Variants in VTI1A observed in about 807,000 individuals in gnomAD.
VTI1A encodes vesicle transport through interaction with t-SNAREs 1A.
Under a neutral mutation model 34.9 loss-of-function variants are expected in VTI1A, and 22 were observed. That is an observed-to-expected ratio of 0.63 (90% CI 0.45 to 0.90). The LOEUF (loss-of-function observed/expected upper bound fraction) is 0.90, where lower values mean the gene tolerates loss of function less well. Ranked by LOEUF, VTI1A falls within the 40% of genes least tolerant of loss-of-function variation. The pLI, the probability that VTI1A is intolerant of heterozygous loss-of-function variation, is 0.00. For synonymous variants in VTI1A, 87 were observed against 97.3 expected, an observed-to-expected ratio of 0.89 and a Z score of 0.62; for missense variants, 268 against 275.6, an observed-to-expected ratio of 0.97 and a Z score of 0.20.
the VTI1A span, among the ~76,000 whole-genome samples, chr10:112,835,837 A>AG: frequency 1.3e-5 from 2 of 152,000 alleles, no homozygotes; most frequent in East Asian, 3.9e-4. Context: ...ATATTGGGGT[A>AG]GGGGGGGCAG....
At chr10:112,487,575 G>A (rs1848686529) in intron 3 of VTI1A, among the ~76,000 whole-genome samples, 3 of 152,138 alleles carry the variant, frequency 2.0e-5, no homozygotes, top group Non-Finnish European at 4.4e-5. Context: ...TTTGCTTGCT[G>A]TAATCAAATT....
chr10:112,654,048 T>C (rs1847134458), intron 5 of VTI1A, among the ~76,000 whole-genome samples: 1 of 152,234 alleles, frequency 6.6e-6, no homozygotes, highest in Non-Finnish European at 1.5e-5. Flanking sequence ...TTTGTTGTAT[T>C]CTGTATTTTA....
At chr10:112,798,473 T>C (rs1852754170) in intron 7 of VTI1A, among the ~76,000 whole-genome samples, 1 of 152,182 alleles carries the variant, frequency 6.6e-6, no homozygotes, top group Admixed American at 6.5e-5. Context: ...CCCCAAAGAA[T>C]GACAGAGTGA....
At chr10:112,538,186 C>T in intron 4 of VTI1A, 60 bp from the exon 5 acceptor site, 1 of 1,469,028 alleles carries the variant, frequency 6.8e-7, no homozygotes, top group South Asian at 1.2e-5. Flanking sequence ...TTTTTTAAGG[C>T]AAAAAAAAGA....
chr10:112,764,629 T>C (rs779182465), intron 7 of VTI1A, among the ~76,000 whole-genome samples: 21 of 152,204 alleles, frequency 1.4e-4, no homozygotes, highest in Non-Finnish European at 2.9e-4. Flanking sequence ...GATATATACC[T>C]GTATAAATAT....
intron 6 of VTI1A, among the ~76,000 whole-genome samples, 175 bp downstream of exon 6, chr10:112,668,463 C>G (rs570198154): frequency 2.6e-5 from 4 of 152,224 alleles, no homozygotes; most frequent in Admixed American, 6.5e-5. Context: ...GCAGCTGACT[C>G]TATGTCCCCA....
intron 5 of VTI1A, among the ~76,000 whole-genome samples, chr10:112,594,210 C>G (rs1844524224): frequency 6.6e-6 from 1 of 152,104 alleles, no homozygotes; most frequent in Non-Finnish European, 1.5e-5. Context: ...CCCGGCCGGT[C>G]TCCATCTTTT....
intron 5 of VTI1A, among the ~76,000 whole-genome samples, chr10:112,598,865 G>A (rs1262470835): frequency 6.6e-6 from 1 of 152,118 alleles, no homozygotes; most frequent in Non-Finnish European, 1.5e-5. Flanking sequence ...ATGTGAATTG[G>A]GCTTATCCGG....
intron 3 of VTI1A, among the ~76,000 whole-genome samples, chr10:112,476,427 A>G (rs963497819): frequency 9.9e-5 from 15 of 152,156 alleles, no homozygotes; most frequent in African/African-American, 3.4e-4. Flanking sequence ...CTTGGAAAGA[A>G]AAGTAGCTAA....
intron 5 of VTI1A, among the ~76,000 whole-genome samples, chr10:112,648,707 A>T (rs1266086772): frequency 2.0e-5 from 3 of 152,124 alleles, no homozygotes; most frequent in Non-Finnish European, 4.4e-5. Flanking sequence ...TCTTTTTAAA[A>T]TTTTTATTAT....
At chr10:112,813,184 G>C (rs993868638) in intron 7 of VTI1A, among the ~76,000 whole-genome samples, 1 of 152,234 alleles carries the variant, frequency 6.6e-6, no homozygotes, top group African/African-American at 2.4e-5. Context: ...CAAGGAGGGG[G>C]TGAAGCCCAA....
chr10:112,520,643 G>GTATATA (rs1419322104), intron 3 of VTI1A, among the ~76,000 whole-genome samples: 1 of 110,074 alleles, frequency 9.1e-6, no homozygotes, highest in African/African-American at 3.1e-5. Flanking sequence ...GTGTGTGTGT[G>GTATATA]TGTGTATATA....
At chr10:112,731,368 G>GT (rs1363645603) in intron 7 of VTI1A, among the ~76,000 whole-genome samples, 2 of 152,150 alleles carry the variant, frequency 1.3e-5, no homozygotes, top group African/African-American at 4.8e-5. Flanking sequence ...GAGGTCAGGA[G>GT]TTAAGACCAG....
chr10:112,756,088 G>A (rs1358615944), intron 7 of VTI1A, among the ~76,000 whole-genome samples: 2 of 152,038 alleles, frequency 1.3e-5, no homozygotes, highest in Non-Finnish European at 2.9e-5. Context: ...GGGAGGAGAG[G>A]GAGAAAGAGC....
chr10:112,484,498 A>T (rs550745210), intron 3 of VTI1A, among the ~76,000 whole-genome samples: 12 of 152,314 alleles, frequency 7.9e-5, no homozygotes, highest in African/African-American at 2.9e-4. Context: ...CTAGGACTTC[A>T]TGATAGATTT....
intron 5 of VTI1A, among the ~76,000 whole-genome samples, chr10:112,613,415 T>G (rs1168038368): frequency 6.6e-6 from 1 of 152,210 alleles, no homozygotes; most frequent in Admixed American, 6.5e-5. Flanking sequence ...CTTTACAAAA[T>G]TATTTATACA....
chr10:112,528,436 A>G (rs1328226689), intron 4 of VTI1A, among the ~76,000 whole-genome samples: 1 of 152,084 alleles, frequency 6.6e-6, no homozygotes, highest in African/African-American at 2.4e-5. Flanking sequence ...GAGTTCAGAC[A>G]TGTGAACACG....
At chr10:112,675,926 A>G (rs1848009653) in intron 7 of VTI1A, among the ~76,000 whole-genome samples, 1 of 152,198 alleles carries the variant, frequency 6.6e-6, no homozygotes. Context: ...AAATAGGGAT[A>G]ACAATAGTCT....
chr10:112,688,893 A>T (rs1214882920), intron 7 of VTI1A, among the ~76,000 whole-genome samples: 3 of 152,020 alleles, frequency 2.0e-5, no homozygotes, highest in Non-Finnish European at 4.4e-5. Flanking sequence ...TGGGTTTTTT[A>T]AAAATCAAGT....
Sources: allele counts gnomAD v4.1 joint callset (sites outside exome capture counted in the v4.1 genomes callset), GRCh38; gene constraint gnomAD v4.1.1; transcripts MANE v1.5; gene names NCBI Gene and HGNC (gene_info 2026-07-23, HGNC 2026-07-21).